The following CHD2 variants were observed in gnomAD, a reference collection of about 807,000 sequenced individuals.
CHD2 encodes the protein ATP-dependent chromatin remodeler CHD2.
Under a neutral mutation model 243.9 loss-of-function variants are expected in CHD2, and 28 were observed. The ratio of observed to expected loss-of-function variants is 0.11; its 90% CI spans 0.09 to 0.16. The LOEUF is 0.16. Ranked by LOEUF, CHD2 falls within the 10% of genes least tolerant of loss-of-function variation. CHD2 has a pLI of 1.00. For missense variants in CHD2, 1,386 were observed against 2,209.8 expected (o/e 0.63, Z 7.47); for synonymous variants, 775 against 779.0 (o/e 0.99, Z 0.09).
intron 35 of CHD2, 21 bp downstream of exon 35, chr15:93,009,344 T>C: frequency 1.2e-6 from 2 of 1,605,728 alleles, no homozygotes; most frequent in Non-Finnish European, 1.7e-6. Context: ...TGGCCTCGTC[T>C]GCCCAGTTTG....
intron 22 of CHD2, 88 bp downstream of exon 22, chr15:92,979,371 T>C: frequency 1.4e-6 from 2 of 1,449,580 alleles, no homozygotes; most frequent in Non-Finnish European, 1.9e-6. Context: ...CCACAGACAT[T>C]AGTCTGTTCA....
chr15:92,940,309 G>A (rs1329338601), intron 7 of CHD2, among the ~76,000 whole-genome samples: 9 of 151,990 alleles, frequency 5.9e-5, no homozygotes, highest in East Asian at 5.8e-4. Context: ...AGAAAAAGCC[G>A]AGTGTGGTGG....
In CHD2 at chr15:92,931,903, G is replaced by A. The variant is rs144564368; in HGVS notation, c.443+2812G>A. Reference sequence around the variant, plus strand: ...TTTTGAGACGCAGTCTGGCTTTGTCGCCAGGCTGGGGTACAGTGGCGCAAT... The same window carrying A: ...TTTTGAGACGCAGTCTGGCTTTGTCACCAGGCTGGGGTACAGTGGCGCAAT... On this transcript the variant is annotated intron_variant, in intron 5 of 38. Coordinates refer to ENST00000394196, the MANE Select transcript of CHD2 (RefSeq NM_001271.4). Among the ~76,000 whole-genome samples, 230 of 140,790 alleles carry A rather than the reference G, an allele frequency of 1.6e-3. 1 individual carries two copies. Among genetic ancestry groups the A allele is most frequent in the African/African-American group, 5.7e-3 (214 of 37,306 alleles). The allele number at this position is 140,790 out of a possible 152,430, so 92.4% of individuals were successfully genotyped here.
At chr15:93,018,738 C>CA in intron 37 of CHD2, among the ~76,000 whole-genome samples, 1 of 152,236 alleles carries the variant, frequency 6.6e-6, no homozygotes, top group East Asian at 1.9e-4. Flanking sequence ...GTTCTTGACT[C>CA]ACGCCGATTT....
At chr15:93,008,652 TTTACCA>T (rs2054352544) in intron 34 of CHD2, among the ~76,000 whole-genome samples, 1 of 152,336 alleles carries the variant, frequency 6.6e-6, no homozygotes, top group East Asian at 1.9e-4. Flanking sequence ...GGACAGTCCC[TTTACCA>T]TTGTTTTAGT....
intron 16 of CHD2, among the ~76,000 whole-genome samples, chr15:92,962,647 G>A (rs1005571883): frequency 6.6e-6 from 1 of 152,040 alleles, no homozygotes; most frequent in Non-Finnish European, 1.5e-5. Flanking sequence ...TTTTGTAAAT[G>A]TCCGTTCAGT....
intron 2 of CHD2, chr15:92,904,533 G>A (rs1292106408): frequency 1.0e-6 from 1 of 998,878 alleles, no homozygotes; most frequent in Non-Finnish European, 1.2e-6. Context: ...CCGGTGGGCG[G>A]CTTCTTTCCT....
chr15:92,983,071 C>G (rs935628281), intron 24 of CHD2, among the ~76,000 whole-genome samples: 8 of 152,088 alleles, frequency 5.3e-5, no homozygotes, highest in South Asian at 4.1e-4. Context: ...CTAGAGAGCT[C>G]TCTGGGGGTC....
chr15:93,011,421 A>G (rs928418885), intron 35 of CHD2, among the ~76,000 whole-genome samples: 4 of 152,230 alleles, frequency 2.6e-5, no homozygotes, highest in African/African-American at 9.6e-5. Flanking sequence ...CTCAGGCTTC[A>G]GCAAAGGCTT....
chr15:92,970,737 T>C (rs895459453), intron 17 of CHD2, among the ~76,000 whole-genome samples: 3 of 152,206 alleles, frequency 2.0e-5, no homozygotes, highest in South Asian at 4.1e-4. Flanking sequence ...CCATTGAGGT[T>C]ATATAGTATG....
chr15:92,960,705 GT>G (rs71467745), intron 16 of CHD2, among the ~76,000 whole-genome samples: 623 of 51,456 alleles, frequency 0.012, 4 homozygotes, highest in African/African-American at 0.038. Context: ...TCTGTTTGGT[GT>G]TTTTTTTTTT....
chr15:92,979,042 C>T, intron 21 of CHD2, 93 bp from the exon 22 acceptor site: 2 of 1,506,222 alleles, frequency 1.3e-6, no homozygotes, highest in South Asian at 1.3e-5. Context: ...AAATTTTCCC[C>T]TCTTGGGTTT....
At chr15:92,949,139 C>A in intron 13 of CHD2, 63 bp downstream of exon 13, 1 of 1,577,790 alleles carries the variant, frequency 6.3e-7, no homozygotes, top group South Asian at 1.2e-5. Flanking sequence ...TGTTAGATGT[C>A]AAGAATTTTT....
intron 38 of CHD2, 49 bp from the exon 39 acceptor site, chr15:93,024,323 T>C: frequency 6.5e-7 from 1 of 1,540,742 alleles, no homozygotes; most frequent in Non-Finnish European, 8.9e-7. Context: ...GAGAAGTGGA[T>C]GGGAATCTGG....
At chr15:92,922,639 C>T (rs1258316632) in intron 2 of CHD2, among the ~76,000 whole-genome samples, 2 of 152,186 alleles carry the variant, frequency 1.3e-5, no homozygotes, top group South Asian at 2.1e-4. Context: ...TGTCTTATCT[C>T]CTGGCTTCTG....
In CHD2 at chr15:93,012,504, C is replaced by G. The variant is rs551993166; in HGVS notation, c.4692+60C>G. The G allele has an allele frequency of 2.4e-4, 311 of 1,298,444 alleles. 3 individuals are homozygous for G. The South Asian group carries it at 3.9e-3, about 16-fold the overall frequency. The allele number at this position is 1,298,444 out of a possible 1,614,324, so 80.4% of individuals were successfully genotyped here. A position where few individuals can be genotyped will look rare whatever the true frequency, so the allele number is the denominator to read the frequency against. On this transcript the variant is annotated intron_variant, in intron 36 of 38. Coordinates refer to ENST00000394196, the MANE Select transcript of CHD2 (RefSeq NM_001271.4). ...AAATACCAATTCCACAGAAAAATCT[C>G]TTAATTTTTGTTTTTCCATGGGGAG...
intron 33 of CHD2, among the ~76,000 whole-genome samples, chr15:93,003,803 A>AT (rs1166237517): frequency 6.6e-6 from 1 of 152,178 alleles, no homozygotes; most frequent in Non-Finnish European, 1.5e-5. Context: ...ATATAACTAT[A>AT]AACAAAGCAT....
intron 2 of CHD2, among the ~76,000 whole-genome samples, chr15:92,919,971 G>A (rs2141735471): frequency 6.6e-6 from 1 of 152,274 alleles, no homozygotes; most frequent in South Asian, 2.1e-4. Flanking sequence ...TGAACTTGGT[G>A]TTAATCTTTT....
chr15:92,966,370 A>G (rs1004012084), intron 16 of CHD2, among the ~76,000 whole-genome samples: 1 of 151,970 alleles, frequency 6.6e-6, no homozygotes, highest in African/African-American at 2.4e-5. Context: ...AGCCAGAGAT[A>G]GTTCAATTTT....
Sources: allele counts gnomAD v4.1 joint callset (sites outside exome capture counted in the v4.1 genomes callset), GRCh38; gene constraint gnomAD v4.1.1; transcripts MANE v1.5; gene names NCBI Gene and HGNC (gene_info 2026-07-23, HGNC 2026-07-21).